The following MAGI1 variants were observed in gnomAD, a reference collection of about 807,000 sequenced individuals.
The protein encoded by MAGI1 is membrane-associated guanylate kinase, WW and PDZ domain-containing protein 1.
A neutral mutation model predicts 139.9 loss-of-function variants in MAGI1; 58 were observed. The ratio of observed to expected loss-of-function variants is 0.41; its 90% confidence interval spans 0.34 to 0.52. The LOEUF is 0.52. Ranked by LOEUF, MAGI1 falls within the 20% of genes least tolerant of loss-of-function variation. The probability of loss-of-function intolerance (pLI) is 0.12; values close to 1 mark genes in which losing one functional copy is unlikely to be tolerated. For missense variants in MAGI1, 1,874 were observed against 1,901.6 expected, an observed-to-expected ratio of 0.99 and a Z score of 0.27; for synonymous variants, 812 against 737.9, an observed-to-expected ratio of 1.10 and a Z score of -1.63.
At chr3:65,779,577 C>T (rs1367312641) in intron 1 of MAGI1, among the ~76,000 whole-genome samples, 2 of 152,218 alleles carry the variant, frequency 1.3e-5, no homozygotes, top group South Asian at 2.1e-4. Flanking sequence ...ATTGCACAAT[C>T]GCTTGACAGA....
intron 1 of MAGI1, among the ~76,000 whole-genome samples, chr3:65,702,846 A>C (rs1200140332): frequency 6.6e-6 from 1 of 151,998 alleles, no homozygotes; most frequent in African/African-American, 2.4e-5. Context: ...CACTTATCAC[A>C]TAAATAAATA....
chr3:65,547,786 T>C (rs183870360), intron 2 of MAGI1, among the ~76,000 whole-genome samples: 41 of 152,324 alleles, frequency 2.7e-4, no homozygotes, highest in Non-Finnish European at 4.6e-4. Context: ...GTTTAGGTAC[T>C]CCATACAGCT....
intron 1 of MAGI1, among the ~76,000 whole-genome samples, chr3:65,948,523 C>T (rs919170984): frequency 2.0e-5 from 3 of 152,022 alleles, no homozygotes; most frequent in East Asian, 1.9e-4. Context: ...ATCACTTGGC[C>T]GGCCTCATGA....
chr3:65,861,708 A>C (rs1238870495), intron 1 of MAGI1, among the ~76,000 whole-genome samples: 2 of 152,076 alleles, frequency 1.3e-5, no homozygotes, highest in Admixed American at 6.5e-5. Flanking sequence ...TGCAGAGGGA[A>C]GGGGCGCCGT....
chr3:65,493,527 C>G lies in MAGI1; in HGVS notation c.535G>C (p.Val179Leu). Reference sequence around the variant, plus strand: ...AGTAACTCACCTTCATAGGTGCCGACTTCCAGAAGAGTCCCACTCTGCTCG... The same window carrying G: ...AGTAACTCACCTTCATAGGTGCCGAGTTCCAGAAGAGTCCCACTCTGCTCG... Reference protein sequence around the residue: ...DLEQSGTLLEVGTYEGNYYGT... With the variant: ...DLEQSGTLLELGTYEGNYYGT... Residue 179 changes from valine (V) to leucine (L), a missense_variant, in exon 3 of 23, where the codon GTC becomes CTC. Physicochemically the swap from Val to Leu is conservative, Grantham distance 32. This residue lies in a region of MAGI1 where 648 missense variants were observed against 598.1 expected (regional missense o/e 1.08). Coordinates refer to ENST00000402939, the MANE Select transcript of MAGI1 (RefSeq NM_001033057.2). The G allele has an allele frequency of 1.2e-6, 2 of 1,614,196 alleles. No homozygotes were observed. Among genetic ancestry groups the G allele is most frequent in the Non-Finnish European group, 1.7e-6 (2 of 1,180,036 alleles).
At chr3:65,440,911 TATATACACACACACAC>T (rs1238798926) in intron 8 of MAGI1, among the ~76,000 whole-genome samples, 2 of 150,198 alleles carry the variant, frequency 1.3e-5, no homozygotes, top group Admixed American at 6.6e-5. Flanking sequence ...TGTGTATATA[TATATACACACACACAC>T]ATATACACAC....
At chr3:65,980,726 G>C (rs951850449) in intron 1 of MAGI1, among the ~76,000 whole-genome samples, 1 of 152,200 alleles carries the variant, frequency 6.6e-6, no homozygotes, top group African/African-American at 2.4e-5. Flanking sequence ...GCCCTGGCCT[G>C]AGAGTTGGAA....
At chr3:65,705,857 A>G (rs924971889) in intron 1 of MAGI1, among the ~76,000 whole-genome samples, 1 of 152,224 alleles carries the variant, frequency 6.6e-6, no homozygotes, top group Non-Finnish European at 1.5e-5. Flanking sequence ...CAGAGAATCT[A>G]ATGGAGTGTT....
At chr3:65,370,342 C>A (rs1941862646) in intron 18 of MAGI1, among the ~76,000 whole-genome samples, 1 of 152,154 alleles carries the variant, frequency 6.6e-6, no homozygotes, top group Non-Finnish European at 1.5e-5. Context: ...CTGGCACTTA[C>A]AAAGTAACTA....
chr3:65,603,799 G>A (rs754791381), intron 2 of MAGI1, among the ~76,000 whole-genome samples: 1 of 152,172 alleles, frequency 6.6e-6, no homozygotes, highest in African/African-American at 2.4e-5. Context: ...TCTTTTGAGG[G>A]CCTGGTCTCT....
At chr3:65,478,008 GAATGCATATATAGATAT>G (rs1951006143) in intron 4 of MAGI1, among the ~76,000 whole-genome samples, 2 of 151,950 alleles carry the variant, frequency 1.3e-5, no homozygotes, top group South Asian at 4.2e-4. Flanking sequence ...ATATAATATA[GAATGCATATATAGATAT>G]AATGTTAGAA....
At chr3:65,773,662 G>C (rs1024203145) in intron 1 of MAGI1, among the ~76,000 whole-genome samples, 1 of 152,162 alleles carries the variant, frequency 6.6e-6, no homozygotes. Context: ...GGAATTCTAA[G>C]TTACAGTCTC....
rs1163732786 is a variant in MAGI1, at chr3:65,764,343, A to G, written c.314-142255T>C. The stretch of plus-strand genomic sequence containing the variant: ...TACTTATGGTTGTGATTCATTCTCT[A>G]TGCTTCTCCCACTCCTGTCCACTCC... On this transcript the variant is annotated intron_variant, in intron 1 of 22. Transcript: ENST00000402939. Among the ~76,000 whole-genome samples the G allele has an allele frequency of 2.0e-5, 3 of 152,024 alleles. 1 individual carries two copies. Among genetic ancestry groups the G allele is most frequent in the Non-Finnish European group, 4.4e-5 (3 of 68,006 alleles).
chr3:65,849,522 C>CATAT (rs1296624678), intron 1 of MAGI1, among the ~76,000 whole-genome samples: 5 of 148,550 alleles, frequency 3.4e-5, no homozygotes, highest in Admixed American at 2.0e-4. Context: ...ATCAAATATA[C>CATAT]ATATATATCA....
At chr3:65,371,206 C>T (rs191715077) in intron 18 of MAGI1, among the ~76,000 whole-genome samples, 3 of 152,242 alleles carry the variant, frequency 2.0e-5, no homozygotes, top group East Asian at 1.9e-4. Context: ...TGTTGATAAA[C>T]GTGTCTAAAT....
intron 1 of MAGI1, among the ~76,000 whole-genome samples, chr3:65,890,883 A>G (rs264715): frequency 0.15 from 23,118 of 152,194 alleles, 4,203 homozygotes; most frequent in African/African-American, 0.44. Context: ...AGAAAAACAA[A>G]AATAAAATGT....
At chr3:66,027,679 A>C (rs1433305887) in intron 1 of MAGI1, among the ~76,000 whole-genome samples, 1 of 152,234 alleles carries the variant, frequency 6.6e-6, no homozygotes, top group Non-Finnish European at 1.5e-5. Context: ...GGAACAATAA[A>C]TAATAGTTAC....
chr3:65,764,180 T>C (rs1285989007), intron 1 of MAGI1, among the ~76,000 whole-genome samples: 1 of 151,466 alleles, frequency 6.6e-6, no homozygotes, highest in Non-Finnish European at 1.5e-5. Context: ...CAACATGAAA[T>C]CCTTAAATAC....
At chr3:65,406,157 T>G (rs574438084) in intron 12 of MAGI1, among the ~76,000 whole-genome samples, 1 of 152,234 alleles carries the variant, frequency 6.6e-6, no homozygotes, top group South Asian at 2.1e-4. Context: ...TGCATACATA[T>G]AGTTTTATTA....
Sources: gnomAD v4.1 joint callset for allele counts (sites outside exome capture counted in the v4.1 genomes callset) on GRCh38, gnomAD v4.1.1 for gene constraint, gnomAD v4.1.1 regional missense constraint, MANE v1.5 for transcripts, NCBI Gene and HGNC (gene_info 2026-07-23, HGNC 2026-07-21) for gene names.